Variants in YPEL5 observed in about 807,000 individuals in gnomAD.
YPEL5 encodes protein yippee-like 5.
A neutral mutation model predicts 10.5 loss-of-function variants in YPEL5; 1 was observed. The observed-to-expected ratio is 0.10, with a 90% CI of 0.03 to 0.45. The LOEUF (loss-of-function observed/expected upper bound fraction) is 0.45. Among genes scored for constraint, YPEL5 ranks in the 20% least tolerant of loss-of-function variants. The pLI is 0.97. For missense variants in YPEL5, 68 were observed against 159.3 expected (o/e 0.43, Z 3.09); for synonymous variants, 61 against 56.6 (o/e 1.08, Z -0.35).
At chr2:30,150,637 A>G (rs1675738879) in intron 1 of YPEL5, among the ~76,000 whole-genome samples, 1 of 152,226 alleles carries the variant, frequency 6.6e-6, no homozygotes, top group Admixed American at 6.5e-5. Flanking sequence ...ATCAGTAAAG[A>G]AAAGGGGAAT....
intron 1 of YPEL5, 141 bp from the exon 2 acceptor site, chr2:30,156,487 G>A (rs1350359681): frequency 4.0e-6 from 3 of 745,820 alleles, no homozygotes; most frequent in Non-Finnish European, 6.5e-6. Context: ...TTTTTGTTCA[G>A]GATCAGCTAT....
At position 30,159,708 on chromosome 2, in the gene YPEL5, C is replaced by T. The variant is rs896154595; in HGVS notation, c.*865C>T. The T allele has an allele frequency of 6.6e-5, 10 of 151,982 alleles. No individual in the cohort carries two copies. Among genetic ancestry groups the T allele is most frequent in the African/African-American group, 2.4e-4 (10 of 41,360 alleles). 9.4% of individuals were successfully genotyped at this position (151,982 alleles called of 1,614,324 possible). A position where few individuals can be genotyped will look rare whatever the true frequency, so the allele number is the denominator to read the frequency against. ...TAAATGAAAGCATACTGTTGAAACCCGCAGTGTTGCATTTAGAAAACAGTT... is the reference window on the plus strand; with the variant it reads ...TAAATGAAAGCATACTGTTGAAACCTGCAGTGTTGCATTTAGAAAACAGTT... On this transcript the variant is annotated 3_prime_UTR_variant, in exon 3 of 3. Coordinates refer to ENST00000261353, the MANE Select transcript of YPEL5 (RefSeq NM_016061.3).
In YPEL5 at chr2:30,159,096, C is replaced by T; in HGVS notation, c.*253C>T. 2.1e-6 allele frequency: 1 copy of T among 474,788 alleles called. No homozygotes were observed. Among genetic ancestry groups the T allele is most frequent in the Non-Finnish European group, 3.8e-6 (1 of 265,356 alleles). The allele number at this position is 474,788 out of a possible 1,614,324, so 29.4% of individuals were successfully genotyped here. ...TTTACCCTATGTTTACATCTTGAGG[C>T]AGCAGAGTCTGTCTGCAGCTATGTG... On this transcript the variant is annotated 3_prime_UTR_variant, in exon 3 of 3. Coordinates refer to ENST00000261353, the MANE Select transcript of YPEL5 (RefSeq NM_016061.3).
At chr2:30,150,834 G>T (rs183136120) in intron 1 of YPEL5, among the ~76,000 whole-genome samples, 2 of 152,300 alleles carry the variant, frequency 1.3e-5, no homozygotes. Flanking sequence ...AACTTTGCAA[G>T]CCAGAAGGTT....
chr2:30,148,717 A>G (rs910205956), intron 1 of YPEL5, among the ~76,000 whole-genome samples: 1 of 152,202 alleles, frequency 6.6e-6, no homozygotes, highest in African/African-American at 2.4e-5. Flanking sequence ...TCTCTAGACT[A>G]ATTTCCCTTT....
chr2:30,149,503 A>C (rs926808327), intron 1 of YPEL5, among the ~76,000 whole-genome samples: 2 of 152,388 alleles, frequency 1.3e-5, no homozygotes, highest in Non-Finnish European at 1.5e-5. Flanking sequence ...AATAGCGTTT[A>C]GTCACAACTC....
At position 30,156,539 on chromosome 2, in the gene YPEL5, GT is replaced by G. The variant is rs1174103006; in HGVS notation, c.-24-88del. The G allele has an allele frequency of 5.1e-6, 6 of 1,182,688 alleles. No homozygotes were observed. The Admixed American group carries it at 1.1e-4, about 21-fold the overall frequency. 73.3% of individuals were successfully genotyped at this position (1,182,688 alleles called of 1,614,324 possible). A position where few individuals can be genotyped will look rare whatever the true frequency, so the allele number is the denominator to read the frequency against. ...TACAAAGCAGAGATTACATAAATAC[GT>G]ATACAAATTGTTCTCTATGACACCC... is the stretch of plus-strand genomic sequence containing the variant. On this transcript the variant is annotated intron_variant, in intron 1 of 2. Transcript: ENST00000261353.
chr2:30,151,115 C>A (rs1675767039), intron 1 of YPEL5, among the ~76,000 whole-genome samples: 1 of 152,150 alleles, frequency 6.6e-6, no homozygotes, highest in Non-Finnish European at 1.5e-5. Context: ...GACAAGTGAA[C>A]AAGATACCGT....
At chr2:30,153,387 A>G (rs969290446) in intron 1 of YPEL5, among the ~76,000 whole-genome samples, 5 of 152,228 alleles carry the variant, frequency 3.3e-5, no homozygotes, top group African/African-American at 1.2e-4. Context: ...GGAAAGGAGC[A>G]GGCAGCTCTC....
intron 1 of YPEL5, among the ~76,000 whole-genome samples, chr2:30,147,332 G>A (rs982192077): frequency 6.7e-6 from 1 of 149,508 alleles, no homozygotes; most frequent in African/African-American, 2.4e-5. Flanking sequence ...CGCCCCCGCC[G>A]CGCAGCCGGG....
chr2:30,151,862 T>TAC (rs1286735082), intron 1 of YPEL5, among the ~76,000 whole-genome samples: 1 of 152,162 alleles, frequency 6.6e-6, no homozygotes, highest in African/African-American at 2.4e-5. Flanking sequence ...GTTTTAGAAA[T>TAC]ACGGGGCTGA....
At chr2:30,151,367 A>G (rs1387165159) in intron 1 of YPEL5, among the ~76,000 whole-genome samples, 1 of 152,150 alleles carries the variant, frequency 6.6e-6, no homozygotes, top group Non-Finnish European at 1.5e-5. Flanking sequence ...TGTTATTAAT[A>G]TTTCACCAGA....
intron 2 of YPEL5, among the ~76,000 whole-genome samples, chr2:30,158,252 T>G (rs922451866): frequency 6.6e-5 from 10 of 152,252 alleles, no homozygotes; most frequent in African/African-American, 2.4e-4. Flanking sequence ...ATGGATTGTA[T>G]TATTTGCACT....
chr2:30,153,788 G>C (rs929785267), intron 1 of YPEL5, among the ~76,000 whole-genome samples: 3 of 152,212 alleles, frequency 2.0e-5, no homozygotes, highest in African/African-American at 7.2e-5. Flanking sequence ...ACTAGGAATA[G>C]TGTAACATAA....
intron 1 of YPEL5, among the ~76,000 whole-genome samples, chr2:30,154,791 T>A (rs973368911): frequency 2.0e-5 from 3 of 152,254 alleles, no homozygotes; most frequent in African/African-American, 7.2e-5. Context: ...CAGGCTGGAA[T>A]GCAGTGGCAT....
chr2:30,153,005 T>A (rs1380956211), intron 1 of YPEL5, among the ~76,000 whole-genome samples: 3 of 151,808 alleles, frequency 2.0e-5, no homozygotes, highest in South Asian at 4.2e-4. Context: ...GGTTCATGCC[T>A]TTCTCCTGCC....
chr2:30,157,363 GCA>G (rs1477519796), intron 2 of YPEL5, among the ~76,000 whole-genome samples: 2 of 152,010 alleles, frequency 1.3e-5, no homozygotes, highest in Non-Finnish European at 2.9e-5. Flanking sequence ...AGCAACTTCA[GCA>G]CAGACTATGG....
chr2:30,156,622 T>C lies in YPEL5; in HGVS notation c.-24-6T>C. On this transcript the variant is annotated splice_region_variant and splice_polypyrimidine_tract_variant and intron_variant, in intron 1 of 2. Transcript: ENST00000261353. ...GCATTTGTTATCCTTTTCTATTTGC[T>C]CCTAGGTTTTTAGAACTTCAGCCAT... 3 of 1,612,950 alleles carry C rather than the reference T, an allele frequency of 1.9e-6. No individual in the cohort carries two copies. Among genetic ancestry groups the C allele is most frequent in the Non-Finnish European group, 2.5e-6 (3 of 1,179,442 alleles).
chr2:30,149,676 A>G (rs569891561), intron 1 of YPEL5, among the ~76,000 whole-genome samples: 28 of 152,352 alleles, frequency 1.8e-4, no homozygotes, highest in African/African-American at 6.5e-4. Flanking sequence ...CCATTTTAGC[A>G]GAGTCATTGC....
Sources: allele counts gnomAD v4.1 joint callset (sites outside exome capture counted in the v4.1 genomes callset), GRCh38; gene constraint gnomAD v4.1.1; transcripts MANE v1.5; gene names NCBI Gene and HGNC (gene_info 2026-07-23, HGNC 2026-07-21).